Variants in EPSTI1 observed in about 807,000 individuals in gnomAD.
EPSTI1 encodes epithelial-stromal interaction protein 1.
A neutral mutation model predicts 49.9 loss-of-function variants in EPSTI1; 66 were observed. The observed-to-expected ratio is 1.32, with a 90% CI of 1.08 to 1.62. EPSTI1 has a LOEUF of 1.62. Ranked by LOEUF, EPSTI1 falls within the 40% of genes most tolerant of loss-of-function variation. EPSTI1 has a pLI of 0.00. For synonymous variants in EPSTI1, 137 were observed against 130.7 expected (o/e 1.05, Z -0.33); for missense variants, 394 against 365.5 (o/e 1.08, Z -0.64).
At chr13:42,914,696 G>A (rs2037780968) in intron 8 of EPSTI1, among the ~76,000 whole-genome samples, 1 of 152,150 alleles carries the variant, frequency 6.6e-6, no homozygotes, top group South Asian at 2.1e-4. Flanking sequence ...TAATATCTCT[G>A]AGGATAGCAA....
At chr13:42,905,192 T>A (rs1052776701) in intron 8 of EPSTI1, among the ~76,000 whole-genome samples, 2 of 151,962 alleles carry the variant, frequency 1.3e-5, no homozygotes, top group Admixed American at 1.3e-4. Context: ...GAGAGCAACA[T>A]ACATCATCCT....
At chr13:42,938,360 A>G (rs1421381796) in intron 6 of EPSTI1, among the ~76,000 whole-genome samples, 1 of 152,124 alleles carries the variant, frequency 6.6e-6, no homozygotes, top group Non-Finnish European at 1.5e-5. Context: ...TCAGTAAACC[A>G]TGATGTAAAC....
chr13:42,946,974 T>A (rs1348623781), intron 6 of EPSTI1, among the ~76,000 whole-genome samples: 2 of 152,166 alleles, frequency 1.3e-5, no homozygotes, highest in Non-Finnish European at 2.9e-5. Context: ...ACAAAGCCAG[T>A]TCCCTGTGCC....
chr13:42,893,364 G>A lies in EPSTI1; in HGVS notation c.915+1645C>T, dbSNP rs149031998. ...GAAGATAAATCATAAAGCAAAGCAA[G>A]CACAGAAGTGCAGATGTCTGGAGGT... is the stretch of plus-strand genomic sequence containing the variant. On this transcript the variant is annotated intron_variant, in intron 10 of 10. Transcript: ENST00000313624. 4.1e-4 allele frequency among the ~76,000 whole-genome samples: 62 copies of A among 152,308 alleles called. No homozygotes were observed. In the East Asian group the frequency reaches 0.011, roughly 27 times the overall value.
At chr13:42,991,879 G>A in intron 1 of EPSTI1, 99 bp downstream of exon 1, 1 of 1,306,456 alleles carries the variant, frequency 7.7e-7, no homozygotes, top group Non-Finnish European at 1.1e-6. Flanking sequence ...CCTGTTGTTG[G>A]GCCCCTGTGG....
intron 6 of EPSTI1, among the ~76,000 whole-genome samples, chr13:42,952,649 G>C (rs983190523): frequency 6.6e-6 from 1 of 152,168 alleles, no homozygotes; most frequent in Admixed American, 6.5e-5. Flanking sequence ...GACAGGCTAA[G>C]GATTCTGTGA....
chr13:42,912,727 A>G (rs1255952756), intron 8 of EPSTI1, among the ~76,000 whole-genome samples: 1 of 152,216 alleles, frequency 6.6e-6, no homozygotes, highest in Admixed American at 6.5e-5. Context: ...TTGGTAAATA[A>G]ACATATTCAA....
At chr13:42,963,031 C>T (rs2039502200) in intron 5 of EPSTI1, among the ~76,000 whole-genome samples, 1 of 152,026 alleles carries the variant, frequency 6.6e-6, no homozygotes. Flanking sequence ...GGCTATGCTC[C>T]GTAAAGAGAG....
At chr13:42,940,728 C>T (rs2038725503) in intron 6 of EPSTI1, among the ~76,000 whole-genome samples, 1 of 152,160 alleles carries the variant, frequency 6.6e-6, no homozygotes, top group Non-Finnish European at 1.5e-5. Flanking sequence ...CACGTGCTAC[C>T]ACACCTGAAT....
chr13:42,908,700 A>G (rs868510527), intron 8 of EPSTI1, among the ~76,000 whole-genome samples: 1 of 152,074 alleles, frequency 6.6e-6, no homozygotes, highest in Non-Finnish European at 1.5e-5. Context: ...ATATCTGTAA[A>G]CTATACATCT....
chr13:42,973,919 G>A (rs1406129688), intron 1 of EPSTI1, among the ~76,000 whole-genome samples: 1 of 152,152 alleles, frequency 6.6e-6, no homozygotes, highest in Non-Finnish European at 1.5e-5. Flanking sequence ...ATCTCAATTT[G>A]TAAGATTATT....
chr13:42,981,640 T>G (rs1474547699), intron 1 of EPSTI1, among the ~76,000 whole-genome samples: 2 of 152,220 alleles, frequency 1.3e-5, no homozygotes, highest in African/African-American at 2.4e-5. Context: ...CAAACAGGAA[T>G]GTAAATTTGA....
At chr13:42,938,914 C>CAAAAAAA (rs57079104) in intron 6 of EPSTI1, among the ~76,000 whole-genome samples, 1,379 of 59,594 alleles carry the variant, frequency 0.023, 193 homozygotes, top group East Asian at 0.13. Context: ...GACTCTGTCT[C>CAAAAAAA]AAAAAAAAAA....
intron 6 of EPSTI1, among the ~76,000 whole-genome samples, chr13:42,943,073 T>C (rs1002354531): frequency 6.6e-6 from 1 of 152,246 alleles, no homozygotes; most frequent in African/African-American, 2.4e-5. Context: ...CTGGTATCTA[T>C]GCCTTCCTCT....
At chr13:42,955,966 G>T (rs1190027395) in intron 5 of EPSTI1, among the ~76,000 whole-genome samples, 1 of 151,312 alleles carries the variant, frequency 6.6e-6, no homozygotes, top group Non-Finnish European at 1.5e-5. Context: ...CCTGTTATAT[G>T]CTCGGTACCA....
intron 1 of EPSTI1, among the ~76,000 whole-genome samples, chr13:42,976,476 T>C (rs1337407563): frequency 6.6e-6 from 1 of 152,204 alleles, no homozygotes; most frequent in East Asian, 1.9e-4. Context: ...AGAGAATATT[T>C]AGTATTAACA....
At position 42,922,583 on chromosome 13, in the gene EPSTI1, A is replaced by G. The variant is rs2038041992; in HGVS notation, c.657+3753T>C. 6.6e-6 allele frequency among the ~76,000 whole-genome samples: 1 copy of G among 152,174 alleles called. No individual in the cohort carries two copies. The highest frequency in any genetic ancestry group is 1.5e-5 in the Non-Finnish European group (1 of 68,024). On this transcript the variant is annotated intron_variant, in intron 7 of 10. Coordinates refer to ENST00000313624, the MANE Select transcript of EPSTI1 (RefSeq NM_033255.5). The surrounding 1 kb of genome is among the most constrained non-coding windows in gnomAD (Gnocchi z 4.8). ...CCCATTTTTATTGCTGACCTCCAGA[A>G]GTGTTAAGAGAATAAATTTTTGTTC...
At chr13:42,986,808 G>T (rs371985990) in intron 1 of EPSTI1, among the ~76,000 whole-genome samples, 11 of 151,200 alleles carry the variant, frequency 7.3e-5, no homozygotes, top group East Asian at 5.8e-4. Context: ...GGGGAGAGGC[G>T]GGGGCTGGAG....
At chr13:42,905,544 T>C (rs966287269) in intron 8 of EPSTI1, among the ~76,000 whole-genome samples, 1 of 152,120 alleles carries the variant, frequency 6.6e-6, no homozygotes, top group Admixed American at 6.5e-5. Context: ...AAATAAAAAA[T>C]AAGTTGTTCT....
Sources: allele counts gnomAD v4.1 joint callset (sites outside exome capture counted in the v4.1 genomes callset), GRCh38; gene constraint gnomAD v4.1.1; non-coding constraint Gnocchi (gnomAD v3.1); transcripts MANE v1.5; gene names NCBI Gene and HGNC (gene_info 2026-07-23, HGNC 2026-07-21).